The following KCND2 variants were observed in gnomAD, a reference collection of about 807,000 sequenced individuals.
KCND2 encodes the protein A-type voltage-gated potassium channel KCND2.
In KCND2, 16 loss-of-function variants were observed where a neutral mutation model predicts 54.4. That is an observed-to-expected ratio of 0.29 (90% CI 0.20 to 0.45). The LOEUF (loss-of-function observed/expected upper bound fraction) is 0.45. Ranked by LOEUF, KCND2 falls within the 20% of genes least tolerant of loss-of-function variation. KCND2 has a pLI of 1.00. For synonymous variants in KCND2, 317 were observed against 310.7 expected, an observed-to-expected ratio of 1.02 and a Z score of -0.21; for missense variants, 486 against 824.2, an observed-to-expected ratio of 0.59 and a Z score of 5.02.
chr7:120,288,719 TG>T (rs1233578943), intron 1 of KCND2, among the ~76,000 whole-genome samples: 1 of 152,146 alleles, frequency 6.6e-6, no homozygotes, highest in Non-Finnish European at 1.5e-5. Context: ...TGGAGGATGC[TG>T]TCTAATTAGT....
At chr7:120,304,774 C>G (rs1222782868) in intron 1 of KCND2, among the ~76,000 whole-genome samples, 1 of 152,100 alleles carries the variant, frequency 6.6e-6, no homozygotes, top group East Asian at 1.9e-4. Flanking sequence ...GTGGTTGAAA[C>G]TAGCCATTGC....
Position 120,425,460 on chromosome 7 carries a change from G to A in KCND2, c.1115+149713G>A, listed in dbSNP as rs115377574. Among the ~76,000 whole-genome samples, 763 of 152,328 alleles carry A rather than the reference G, an allele frequency of 5.0e-3. 5 individuals carry two copies. Among genetic ancestry groups the A allele is most frequent in the African/African-American group, 0.017 (722 of 41,564 alleles). On this transcript the variant is annotated intron_variant, in intron 1 of 5. Coordinates refer to ENST00000331113, the MANE Select transcript of KCND2 (RefSeq NM_012281.3). ...AATATGTTCAGAAATGTGACATACA[G>A]TGATGATACACTTGTAATAAACACA...
At chr7:120,619,276 A>G (rs1012556552) in intron 1 of KCND2, among the ~76,000 whole-genome samples, 1 of 152,338 alleles carries the variant, frequency 6.6e-6, no homozygotes, top group South Asian at 2.1e-4. Context: ...CAAAAAATAC[A>G]AAAATTAGCG....
intron 1 of KCND2, among the ~76,000 whole-genome samples, chr7:120,440,402 G>T (rs985137501): frequency 6.6e-6 from 1 of 151,972 alleles, no homozygotes; most frequent in Non-Finnish European, 1.5e-5. Flanking sequence ...TTTGTCAGAT[G>T]CATAGGTTGC....
chr7:120,585,512 C>T (rs1009059250), intron 1 of KCND2, among the ~76,000 whole-genome samples: 2 of 152,028 alleles, frequency 1.3e-5, no homozygotes, highest in Non-Finnish European at 2.9e-5. Context: ...GGTGCTTGGA[C>T]ATAGTAGAGA....
intron 1 of KCND2, among the ~76,000 whole-genome samples, chr7:120,313,004 A>G (rs1451570080): frequency 1.3e-5 from 2 of 152,190 alleles, no homozygotes; most frequent in Non-Finnish European, 2.9e-5. Flanking sequence ...CAGTTTAACC[A>G]CTGTGAGTGC....
chr7:120,642,506 G>A (rs549378166), intron 1 of KCND2, among the ~76,000 whole-genome samples: 84 of 151,424 alleles, frequency 5.5e-4, no homozygotes, highest in African/African-American at 2.0e-3. Context: ...GGGTTGCAGT[G>A]AGCTGAGACT....
intron 1 of KCND2, among the ~76,000 whole-genome samples, chr7:120,666,398 A>C (rs998013747): frequency 3.9e-5 from 6 of 151,974 alleles, no homozygotes; most frequent in Admixed American, 1.3e-4. Context: ...TTCTAAAGAT[A>C]ATAAGGTAAA....
At position 120,491,442 on chromosome 7, in the gene KCND2, A is replaced by T. The variant is rs552113007; in HGVS notation, c.1115+215695A>T. Among the ~76,000 whole-genome samples the T allele has an allele frequency of 5.3e-4, 80 of 152,276 alleles. 3 individuals are homozygous for T. In the South Asian group the frequency reaches 0.017, roughly 32 times the overall value. On this transcript the variant is annotated intron_variant, in intron 1 of 5. Transcript: ENST00000331113. ...TTATAGAAAAGTTTTTCTTGTACTG[A>T]TAACATATTGTAGTTGGTAGTCATC...
chr7:120,335,120 T>C (rs746664920), intron 1 of KCND2, among the ~76,000 whole-genome samples: 6 of 152,038 alleles, frequency 3.9e-5, no homozygotes, highest in Non-Finnish European at 5.9e-5. Flanking sequence ...ATCCCAGCAC[T>C]TTGGGAGGCC....
At chr7:120,373,092 A>G (rs925871523) in intron 1 of KCND2, among the ~76,000 whole-genome samples, 4 of 151,876 alleles carry the variant, frequency 2.6e-5, no homozygotes, top group African/African-American at 4.8e-5. Flanking sequence ...TTCATTGCCA[A>G]TGCTCCAAGA....
At chr7:120,400,612 ATAAT>A (rs1461781503) in intron 1 of KCND2, among the ~76,000 whole-genome samples, 10 of 150,226 alleles carry the variant, frequency 6.7e-5, no homozygotes, top group African/African-American at 1.3e-4. Context: ...ATTAAAGTAA[ATAAT>A]TATTTAATCA....
At chr7:120,443,766 G>A (rs1300314198) in intron 1 of KCND2, among the ~76,000 whole-genome samples, 1 of 151,716 alleles carries the variant, frequency 6.6e-6, no homozygotes, top group Non-Finnish European at 1.5e-5. Context: ...TTCTCTCCAG[G>A]TTTTCTCAAC....
At chr7:120,524,311 G>C (rs976937219) in intron 1 of KCND2, among the ~76,000 whole-genome samples, 2 of 152,114 alleles carry the variant, frequency 1.3e-5, no homozygotes, top group African/African-American at 4.8e-5. Flanking sequence ...AGGAGCTAAA[G>C]ATAGGAGTAG....
At chr7:120,302,051 G>T (rs1382174674) in intron 1 of KCND2, among the ~76,000 whole-genome samples, 2 of 152,110 alleles carry the variant, frequency 1.3e-5, no homozygotes, top group Non-Finnish European at 2.9e-5. Context: ...ACATGTTACT[G>T]TGAGATCCTA....
At chr7:120,579,258 A>G (rs1009700221) in intron 1 of KCND2, among the ~76,000 whole-genome samples, 6 of 152,006 alleles carry the variant, frequency 3.9e-5, no homozygotes, top group African/African-American at 1.4e-4. Flanking sequence ...TTTTGACTAT[A>G]CTATTATTAT....
chr7:120,589,531 T>C (rs920921488), intron 1 of KCND2, among the ~76,000 whole-genome samples: 3 of 152,154 alleles, frequency 2.0e-5, no homozygotes, highest in African/African-American at 7.2e-5. Flanking sequence ...TTCCAGCTCA[T>C]TGAGCCTAAA....
intron 1 of KCND2, among the ~76,000 whole-genome samples, chr7:120,414,128 A>T (rs187443306): frequency 6.6e-5 from 10 of 152,224 alleles, no homozygotes; most frequent in Admixed American, 4.6e-4. Context: ...ATCATTATTG[A>T]TGCTTTTTTC....
intron 1 of KCND2, among the ~76,000 whole-genome samples, chr7:120,697,612 A>C (rs1792347635): frequency 6.6e-6 from 1 of 152,218 alleles, no homozygotes; most frequent in Admixed American, 6.5e-5. Context: ...AAAGGATATA[A>C]AATGCAAAAA....
Sources: gnomAD v4.1 joint callset for allele counts (sites outside exome capture counted in the v4.1 genomes callset) on GRCh38, gnomAD v4.1.1 for gene constraint, MANE v1.5 for transcripts, NCBI Gene and HGNC (gene_info 2026-07-23, HGNC 2026-07-21) for gene names.